RSKR: variants seen among roughly 807,000 people sequenced by gnomAD.
RSKR encodes ribosomal protein S6 kinase related, also known as ribosomal protein S6 kinase-related protein.
In RSKR, 44 loss-of-function variants were observed where a neutral mutation model predicts 56.8. The observed-to-expected ratio is 0.77, with a 90% CI of 0.61 to 1.00. The LOEUF (loss-of-function observed/expected upper bound fraction) is 1.00. RSKR is among the 50% of genes least tolerant of loss of function. RSKR has a pLI of 0.00. For synonymous variants in RSKR, 181 were observed against 188.0 expected, an observed-to-expected ratio of 0.96 and a Z score of 0.30; for missense variants, 510 against 506.9, an observed-to-expected ratio of 1.01 and a Z score of -0.06.
Position 28,613,260 on chromosome 17 carries a change from A to G in RSKR, c.408+2T>C. 6.2e-7 allele frequency: 1 copy of G among 1,614,156 alleles called. No individual in the cohort carries two copies. Among genetic ancestry groups the G allele is most frequent in the Non-Finnish European group, 8.5e-7 (1 of 1,180,026 alleles). The stretch of plus-strand genomic sequence containing the variant: ...AGACTAATGTGGTATCTACGCCCCT[A>G]CCTTCACTGCAAATACAGCTTTCTG... On this transcript the variant is annotated splice_donor_variant, in intron 3 of 11. Transcript: ENST00000301037. LOFTEE classifies it high-confidence loss of function.
At chr17:28,611,919 C>G in intron 7 of RSKR, 124 bp from the exon 8 acceptor site, 2 of 1,611,504 alleles carry the variant, frequency 1.2e-6, no homozygotes, top group African/African-American at 1.3e-5. Flanking sequence ...GAGCCCTTCC[C>G]CAAATCCTTG....
rs1275745633 is a variant in RSKR at position 28,608,091 on chromosome 17, AAAGG to A, written c.*2383_*2386del. On this transcript the variant is annotated 3_prime_UTR_variant, in exon 12 of 12. Transcript: ENST00000301037. ...TGAGAATAAGGAAAATAAAAGTAGA[AAAGG>A]AAGACAGAACCAAGAACATGACTAG... is the stretch of plus-strand genomic sequence containing the variant. The A allele has an allele frequency of 2.0e-5, 3 of 152,242 alleles. No homozygotes were observed. The East Asian group carries it at 5.8e-4, about 29-fold the overall frequency. The allele number at this position is 152,242 out of a possible 1,614,324, so 9.4% of individuals were successfully genotyped here.
intron 1 of RSKR, 102 bp from the exon 2 acceptor site, chr17:28,613,790 G>A (rs2070864094): frequency 6.7e-7 from 1 of 1,500,968 alleles, no homozygotes; most frequent in East Asian, 2.3e-5. Flanking sequence ...AACCCCTAGA[G>A]GTACATTTTT....
rs1338363262 is a variant in RSKR, at chr17:28,608,341, A to T, written c.*2137T>A. 1 of 152,188 alleles carries T rather than the reference A, an allele frequency of 6.6e-6. No homozygotes were observed. The highest frequency in any genetic ancestry group is 1.5e-5 in the Non-Finnish European group (1 of 68,040). 9.4% of individuals were successfully genotyped at this position (152,188 alleles called of 1,614,324 possible). Reference sequence around the variant, plus strand: ...AACTGTTACGATAAACACCCTTTACAGTATCCACAGCAATTAAATTTATTT... The same window carrying T: ...AACTGTTACGATAAACACCCTTTACTGTATCCACAGCAATTAAATTTATTT... On this transcript the variant is annotated 3_prime_UTR_variant, in exon 12 of 12. Coordinates refer to ENST00000301037, the MANE Select transcript of RSKR (RefSeq NM_001174103.2).
chr17:28,610,915 T>C (rs1437792020), intron 11 of RSKR: 3 of 651,162 alleles, frequency 4.6e-6, no homozygotes, highest in Non-Finnish European at 7.8e-6. Context: ...GAGTGTACAG[T>C]GTTCCACTCT....
intron 7 of RSKR, 104 bp from the exon 8 acceptor site, chr17:28,611,899 T>G: frequency 6.2e-7 from 1 of 1,611,602 alleles, no homozygotes. Flanking sequence ...CACTCAAATC[T>G]ATACTCAGAG....
rs749382342 is a variant in RSKR, at chr17:28,609,032, C to CTTTTTT, written c.*1440_*1445dup. The CTTTTTT allele has an allele frequency of 1.3e-4, 12 of 93,632 alleles. No homozygotes were observed. Among genetic ancestry groups the CTTTTTT allele is most frequent in the Non-Finnish European group, 1.6e-4 (8 of 49,262 alleles). 5.8% of individuals were successfully genotyped at this position (93,632 alleles called of 1,614,324 possible). On this transcript the variant is annotated 3_prime_UTR_variant, in exon 12 of 12. Coordinates refer to ENST00000301037, the MANE Select transcript of RSKR (RefSeq NM_001174103.2). ...TTGAGATATGTCTCTAACCTTAAAT[C>CTTTTTT]TTTTTTTTTTTTTTTTTTTTTTTTT...
chr17:28,612,285 G>A lies in RSKR; in HGVS notation c.629C>T (p.Ala210Val). ...ACACAGTACCAGCACCAACTCGGCA[G>A]CAAAGAGACGGATGGAAGCCTCAGG... is the stretch of plus-strand genomic sequence containing the variant. ...CFPEASIRLF[A>V]AELVLVLCYL... is the part of the protein sequence containing the mutation. Residue 210 changes from alanine to valine, a missense_variant, in exon 6 of 12, where the codon GCT becomes GTT. Ala to Val is a moderately conservative substitution (Grantham distance 64). Transcript: ENST00000301037. The A allele has an allele frequency of 5.6e-6, 9 of 1,614,172 alleles. No individual in the cohort carries two copies. The highest frequency in any genetic ancestry group is 7.6e-6 in the Non-Finnish European group (9 of 1,180,038).
Position 28,611,429 on chromosome 17 carries a change from G to C in RSKR, c.864C>G (p.Ser288=). Reference sequence around the variant, plus strand: ...CCAGAGAGAAAAGCAAGACACCCAGGGACCACCAATCAGCAGCATGGTTGT... The same window carrying C: ...CCAGAGAGAAAAGCAAGACACCCAGCGACCACCAATCAGCAGCATGGTTGT... The part of the protein sequence containing the change: ...GPYNHAADWW[S]LGVLLFSLAT... Residue 288 remains serine, a synonymous_variant, in exon 10 of 12, where the codon TCC becomes TCG. Transcript: ENST00000301037. 6.2e-7 allele frequency: 1 copy of C among 1,603,010 alleles called. No homozygotes were observed. The highest frequency in any genetic ancestry group is 8.5e-7 in the Non-Finnish European group (1 of 1,179,100).
intron 1 of RSKR, 147 bp from the exon 2 acceptor site, chr17:28,613,835 G>T (rs1450982895): frequency 1.6e-6 from 2 of 1,218,692 alleles, no homozygotes; most frequent in Non-Finnish European, 2.2e-6. Flanking sequence ...CCCTTGCTTT[G>T]TGCTAAGCCC....
Position 28,610,216 on chromosome 17 carries a change from A to C in RSKR, c.*262T>G. 1 of 447,688 alleles carries C rather than the reference A, an allele frequency of 2.2e-6. No individual in the cohort carries two copies. Among genetic ancestry groups the C allele is most frequent in the Non-Finnish European group, 4.1e-6 (1 of 246,454 alleles). The allele number at this position is 447,688 out of a possible 1,614,324, so 27.7% of individuals were successfully genotyped here. On this transcript the variant is annotated 3_prime_UTR_variant, in exon 12 of 12. Coordinates refer to ENST00000301037, the MANE Select transcript of RSKR (RefSeq NM_001174103.2). ...AGCCTGAGGGTAAAGAGCACTGGAG[A>C]AGTAAAGAAAAGGAAAAGGTCACCA...
At position 28,613,115 on chromosome 17, in the gene RSKR, TC is replaced by T; in HGVS notation, c.439del (p.Asp147IlefsTer3). On this transcript the variant is annotated frameshift_variant, in exon 4 of 12. Coordinates refer to ENST00000301037, the MANE Select transcript of RSKR (RefSeq NM_001174103.2). LOFTEE classifies it high-confidence loss of function. ...CTCCTCTTTGCACTGCCTCACGGTA[TC>T]CCTCTGTAGGACCTTTACCTTGGGC... Reference protein sequence around the residue: ...VVPKVKVLQRDTVRQCKEEVS... With the variant: ...VVPKVKVLQRXTVRQCKEEVS... 6.2e-7 allele frequency: 1 copy of T among 1,614,086 alleles called. No individual in the cohort carries two copies. The highest frequency in any genetic ancestry group is 1.3e-5 in the African/African-American group (1 of 75,038).
At position 28,612,296 on chromosome 17, in the gene RSKR, G is replaced by C; in HGVS notation, c.618C>G (p.Ile206Met). 6.2e-7 allele frequency: 1 copy of C among 1,614,198 alleles called. No homozygotes were observed. The highest frequency in any genetic ancestry group is 8.5e-7 in the Non-Finnish European group (1 of 1,180,036). The change falls in exon 6 of 12, where the codon ATC becomes ATG. Residue 206 changes from isoleucine to methionine, a missense_variant. By Grantham distance (10) the Ile-to-Met change is conservative. Transcript: ENST00000301037. ...SAVGCFPEASIRLFAAELVLV... is the reference protein window; with the variant it reads ...SAVGCFPEASMRLFAAELVLV... ...GCACCAACTCGGCAGCAAAGAGACG[G>C]ATGGAAGCCTCAGGAAAGCAGCCAA...
chr17:28,613,320 G>A lies in RSKR; in HGVS notation c.350C>T (p.Ser117Phe). ...TAGCACCTTGAGGACAGTTCCAAAGGAGCCTTTAGCCACGAGGCCTAAAAT... is the reference window on the plus strand; with the variant it reads ...TAGCACCTTGAGGACAGTTCCAAAGAAGCCTTTAGCCACGAGGCCTAAAAT... The part of the protein sequence containing the change: ...LKILGLVAKG[S>F]FGTVLKVLDC... The change falls in exon 3 of 12, where the codon TCC (serine) becomes TTC (phenylalanine). Residue 117 changes from serine to phenylalanine, a missense_variant. By Grantham distance (155) the Ser-to-Phe change is radical (BLOSUM62 -2). Coordinates refer to ENST00000301037, the MANE Select transcript of RSKR (RefSeq NM_001174103.2). 6 of 1,614,190 alleles carry A rather than the reference G, an allele frequency of 3.7e-6. No individual in the cohort carries two copies. Among genetic ancestry groups the A allele is most frequent in the South Asian group, 1.1e-5 (1 of 91,088 alleles).
Position 28,611,619 on chromosome 17 carries a change from G to A in RSKR, c.759C>T (p.His253=), listed in dbSNP as rs759901378. 10 of 1,566,622 alleles carry A rather than the reference G, an allele frequency of 6.4e-6. No homozygotes were observed. Among genetic ancestry groups the A allele is most frequent in the African/African-American group, 4.1e-5 (3 of 73,386 alleles). ...LKLTDFGLSR[H]VPQGAQAYTI... ...TGTAGGCTTGAGCTCCCTGGGGCAC[G>A]TGGCGGGACAGACCAAAGTCTGTCA... is the stretch of plus-strand genomic sequence containing the variant. Residue 253 remains histidine, a synonymous_variant, in exon 9 of 12, where the codon CAC becomes CAT. Coordinates refer to ENST00000301037, the MANE Select transcript of RSKR (RefSeq NM_001174103.2).
chr17:28,613,805 A>G, intron 1 of RSKR, 117 bp from the exon 2 acceptor site: 1 of 1,410,736 alleles, frequency 7.1e-7, no homozygotes, highest in Non-Finnish European at 9.5e-7. Context: ...ATTTTTGAGC[A>G]TGAGGCAAAA....
Position 28,613,973 on chromosome 17 carries a change from C to T in RSKR, c.75+114G>A, listed in dbSNP as rs1597610695. 3.0e-5 allele frequency: 41 copies of T among 1,379,732 alleles called. 2 individuals are homozygous for T. In the East Asian group the frequency reaches 9.5e-4, roughly 32 times the overall value. The allele number at this position is 1,379,732 out of a possible 1,614,324, so 85.5% of individuals were successfully genotyped here. A position where few individuals can be genotyped will look rare whatever the true frequency, so the allele number is the denominator to read the frequency against. On this transcript the variant is annotated intron_variant, in intron 1 of 11. Coordinates refer to ENST00000301037, the MANE Select transcript of RSKR (RefSeq NM_001174103.2). ...ATGCTTTCATAGTACAGCCTCCCTGCCCCACCCCCACATTGGGTAATCACT... is the reference window on the plus strand; with the variant it reads ...ATGCTTTCATAGTACAGCCTCCCTGTCCCACCCCCACATTGGGTAATCACT...
chr17:28,612,535 G>A, intron 5 of RSKR, 83 bp downstream of exon 5: 1 of 1,492,980 alleles, frequency 6.7e-7, no homozygotes, highest in Non-Finnish European at 9.3e-7. Context: ...CAGAGCAAAG[G>A]CAGAACAAGC....
Position 28,611,168 on chromosome 17 carries a change from T to C in RSKR, c.986A>G (p.Gln329Arg). ...SDSEIPASLNQGLSLLLHELL... is the reference protein window; with the variant it reads ...SDSEIPASLNRGLSLLLHELL... ...CTCATGGAGCAGGAGTGAGAGGCCC[T>C]GGTTAAGAGAAGCTGGGATCTCAGA... The change falls in exon 11 of 12, where the codon CAG becomes CGG. Residue 329 changes from glutamine (Q) to arginine (R), a missense_variant. Gln to Arg is a conservative substitution (Grantham distance 43). Coordinates refer to ENST00000301037, the MANE Select transcript of RSKR (RefSeq NM_001174103.2). 1 of 1,536,276 alleles carries C rather than the reference T, an allele frequency of 6.5e-7. No homozygotes were observed. Among genetic ancestry groups the C allele is most frequent in the Non-Finnish European group, 8.7e-7 (1 of 1,146,874 alleles).
Sources: allele counts gnomAD v4.1 joint callset, GRCh38; gene constraint gnomAD v4.1.1; transcripts MANE v1.5; gene names NCBI Gene and HGNC (gene_info 2026-07-23, HGNC 2026-07-21).